The following BMP5 variants were observed in gnomAD, a reference collection of about 807,000 sequenced individuals.
The protein encoded by BMP5 is bone morphogenetic protein 5.
In BMP5, 23 loss-of-function variants were observed where a neutral mutation model predicts 46.6. The ratio of observed to expected loss-of-function variants is 0.49; its 90% CI spans 0.35 to 0.70. The LOEUF (loss-of-function observed/expected upper bound fraction) is 0.70. Ranked by LOEUF, BMP5 falls within the 30% of genes least tolerant of loss-of-function variation. The pLI is 0.00. For synonymous variants in BMP5, 204 were observed against 191.9 expected, an observed-to-expected ratio of 1.06 and a Z score of -0.52; for missense variants, 545 against 565.6, an observed-to-expected ratio of 0.96 and a Z score of 0.37.
chr6:55,756,805 A>G (rs1181439801), intron 6 of BMP5, among the ~76,000 whole-genome samples: 1 of 151,996 alleles, frequency 6.6e-6, no homozygotes, highest in African/African-American at 2.4e-5. Flanking sequence ...CATCAGCTTT[A>G]TCTTCCATAA....
intron 3 of BMP5, among the ~76,000 whole-genome samples, chr6:55,777,869 T>C (rs1026684628): frequency 1.3e-5 from 2 of 151,946 alleles, no homozygotes; most frequent in African/African-American, 4.8e-5. Flanking sequence ...GAAGACAAGG[T>C]AGCACTACTT....
intron 3 of BMP5, among the ~76,000 whole-genome samples, chr6:55,791,586 A>C (rs1332135145): frequency 6.6e-6 from 1 of 152,226 alleles, no homozygotes; most frequent in Non-Finnish European, 1.5e-5. Flanking sequence ...AAAATTAATC[A>C]TAGAGAAAGG....
intron 1 of BMP5, among the ~76,000 whole-genome samples, chr6:55,830,825 G>A (rs1183929471): frequency 6.6e-6 from 1 of 152,130 alleles, no homozygotes; most frequent in African/African-American, 2.4e-5. Context: ...CTCCAGAAAT[G>A]ATTGTGTGAA....
intron 1 of BMP5, among the ~76,000 whole-genome samples, chr6:55,863,184 C>T (rs952417896): frequency 1.3e-5 from 2 of 152,130 alleles, no homozygotes; most frequent in Non-Finnish European, 2.9e-5. Flanking sequence ...GTTGTGGGAT[C>T]ATATCTACTT....
At chr6:55,822,732 G>A (rs528384706) in intron 1 of BMP5, among the ~76,000 whole-genome samples, 38 of 152,146 alleles carry the variant, frequency 2.5e-4, no homozygotes, top group Admixed American at 4.6e-4. Flanking sequence ...AATCCCCTGT[G>A]AGATGTTAGT....
At chr6:55,848,422 A>G (rs1245599909) in intron 1 of BMP5, among the ~76,000 whole-genome samples, 1 of 151,990 alleles carries the variant, frequency 6.6e-6, no homozygotes, top group African/African-American at 2.4e-5. Context: ...TTATAATTCA[A>G]TATATTCATA....
At position 55,759,083 on chromosome 6, in the gene BMP5, T is replaced by C; in HGVS notation, c.1137A>G (p.Ala379=). ...DWIIAPEGYA[A]FYCDGECSFP... is the part of the protein sequence containing the mutation. ...AAGAACATTCTCCATCACAATAAAA[T>C]GCAGCGTATCCTTCTGGTGCTATAA... Residue 379 remains alanine (A), a synonymous_variant, in exon 6 of 7, where the codon GCA becomes GCG. Coordinates refer to ENST00000370830, the MANE Select transcript of BMP5 (RefSeq NM_021073.4). The C allele has an allele frequency of 7.3e-7, 1 of 1,366,156 alleles. No homozygotes were observed. The highest frequency in any genetic ancestry group is 9.6e-7 in the Non-Finnish European group (1 of 1,038,400). 84.6% of individuals were successfully genotyped at this position (1,366,156 alleles called of 1,614,324 possible).
At chr6:55,819,945 G>T in intron 1 of BMP5, 98 bp from the exon 2 acceptor site, 1 of 1,115,946 alleles carries the variant, frequency 9.0e-7, no homozygotes. Flanking sequence ...AAACAAACAA[G>T]CAGGATAGTA....
At chr6:55,802,779 C>T (rs767589144) in intron 2 of BMP5, among the ~76,000 whole-genome samples, 3 of 151,036 alleles carry the variant, frequency 2.0e-5, no homozygotes, top group Non-Finnish European at 4.4e-5. Context: ...TACTTTTGCA[C>T]CTACCTAATA....
chr6:55,790,776 G>C (rs1775557123), intron 3 of BMP5, among the ~76,000 whole-genome samples: 1 of 152,016 alleles, frequency 6.6e-6, no homozygotes, highest in African/African-American at 2.4e-5. Flanking sequence ...TCTAACTGCT[G>C]ACCCAGTTTC....
rs1774551324 is a variant in BMP5, at chr6:55,755,160, C to T, written c.*373G>A. 6.5e-6 allele frequency: 1 copy of T among 154,920 alleles called. No homozygotes were observed. The highest frequency in any genetic ancestry group is 1.4e-5 in the Non-Finnish European group (1 of 70,132). The allele number at this position is 154,920 out of a possible 1,614,324, so 9.6% of individuals were successfully genotyped here. ...ATTGGCACAATATAACTAAATTATT[C>T]AATTTCCTTCCACAATATTAAACAG... On this transcript the variant is annotated 3_prime_UTR_variant, in exon 7 of 7. Transcript: ENST00000370830.
chr6:55,761,857 G>A (rs983647235), intron 4 of BMP5, among the ~76,000 whole-genome samples: 2 of 151,888 alleles, frequency 1.3e-5, no homozygotes, highest in East Asian at 1.9e-4. Context: ...CAAGAATCTC[G>A]TTTGGCTCTG....
At chr6:55,768,746 T>G (rs947568284) in intron 4 of BMP5, among the ~76,000 whole-genome samples, 4 of 151,946 alleles carry the variant, frequency 2.6e-5, no homozygotes, top group African/African-American at 9.7e-5. Context: ...GATCCAGGAC[T>G]TGCCATTTGC....
chr6:55,874,861 T>C lies in BMP5; in HGVS notation c.5A>G (p.His2Arg). The change falls in exon 1 of 7, where the codon CAT becomes CGT. Residue 2 changes from histidine (H) to arginine (R), a missense_variant. By Grantham distance (29) the His-to-Arg change is conservative. Coordinates refer to ENST00000370830, the MANE Select transcript of BMP5 (RefSeq NM_021073.4). ...ACCCTTAAGTAAAAATACAGTCAGA[T>C]GCATTTTTGTCCAAAAGCAAAAGTT... MHLTVFLLKGIV... is the reference protein window; with the variant it reads MRLTVFLLKGIV... 1 of 1,613,090 alleles carries C rather than the reference T, an allele frequency of 6.2e-7. No homozygotes were observed. Among genetic ancestry groups the C allele is most frequent in the Non-Finnish European group, 8.5e-7 (1 of 1,179,460 alleles).
intron 1 of BMP5, among the ~76,000 whole-genome samples, chr6:55,821,697 T>C (rs1160831901): frequency 6.6e-6 from 1 of 152,214 alleles, no homozygotes; most frequent in African/African-American, 2.4e-5. Context: ...TGGTCCATAA[T>C]TTAAATCTTG....
At chr6:55,852,244 C>CTAGT (rs1777264440) in intron 1 of BMP5, among the ~76,000 whole-genome samples, 1 of 151,944 alleles carries the variant, frequency 6.6e-6, no homozygotes, top group South Asian at 2.1e-4. Flanking sequence ...TGCTGTTCCA[C>CTAGT]TAGTTCTTAG....
intron 2 of BMP5, among the ~76,000 whole-genome samples, chr6:55,813,714 G>C (rs1160104632): frequency 6.6e-6 from 1 of 151,054 alleles, no homozygotes; most frequent in Non-Finnish European, 1.5e-5. Flanking sequence ...GTGAACCAGG[G>C]AGACGGAGCT....
In BMP5 at chr6:55,794,372, A is replaced by T; in HGVS notation, c.739T>A (p.Trp247Arg). ...GTCACAGTGATATCAAAGACAAGCC[A>T]ACCCACATCTAAAGCTTGGGCCTTT... The part of the protein sequence containing the change: ...TRKAQALDVG[W>R]LVFDITVTSN... The change falls in exon 3 of 7, where the codon TGG becomes AGG. Residue 247 changes from tryptophan (W) to arginine (R), a missense_variant. Transcript: ENST00000370830. 1 of 1,614,052 alleles carries T rather than the reference A, an allele frequency of 6.2e-7. No homozygotes were observed. Among genetic ancestry groups the T allele is most frequent in the Non-Finnish European group, 8.5e-7 (1 of 1,179,912 alleles).
intron 5 of BMP5, 30 bp from the exon 6 acceptor site, chr6:55,759,145 A>ACACACACACACACAC: frequency 1.5e-5 from 2 of 133,422 alleles, no homozygotes; most frequent in South Asian, 6.2e-5. Context: ...ACACACACAC[A>ACACACACACACACAC]AAAAAAAAAA....
Sources: allele counts gnomAD v4.1 joint callset (sites outside exome capture counted in the v4.1 genomes callset), GRCh38; gene constraint gnomAD v4.1.1; transcripts MANE v1.5; gene names NCBI Gene and HGNC (gene_info 2026-07-23, HGNC 2026-07-21).